Variants in CDH11 observed in about 807,000 individuals in gnomAD.
CDH11 encodes the protein cadherin 11.
In CDH11, 11 loss-of-function variants were observed where a neutral mutation model predicts 67.8. The observed-to-expected ratio is 0.16, with a 90% confidence interval of 0.10 to 0.27. CDH11 has a LOEUF of 0.27. Ranked by LOEUF, CDH11 falls within the 10% of genes least tolerant of loss-of-function variation. CDH11 has a pLI of 1.00. For missense variants in CDH11, 847 were observed against 1,031.2 expected (o/e 0.82, Z 2.45); for synonymous variants, 419 against 400.0 (o/e 1.05, Z -0.57).
chr16:65,079,943 T>C (rs1188485171), intron 1 of CDH11, among the ~76,000 whole-genome samples: 2 of 152,228 alleles, frequency 1.3e-5, no homozygotes, highest in Non-Finnish European at 2.9e-5. Context: ...ATTATCCATA[T>C]AATTTTTAAG....
chr16:65,007,389 CG>C (rs1479875277), intron 2 of CDH11, among the ~76,000 whole-genome samples: 2 of 152,006 alleles, frequency 1.3e-5, no homozygotes, highest in Non-Finnish European at 2.9e-5. Context: ...TAAAAGGCTA[CG>C]TGGGAGAGAG....
chr16:64,953,297 C>CAT (rs1187556186), intron 11 of CDH11, among the ~76,000 whole-genome samples: 1 of 140,794 alleles, frequency 7.1e-6, no homozygotes, highest in African/African-American at 2.5e-5. Flanking sequence ...TATATACACA[C>CAT]ACATATATAT....
intron 8 of CDH11, among the ~76,000 whole-genome samples, chr16:64,975,643 G>C (rs2072144562): frequency 6.6e-6 from 1 of 152,116 alleles, no homozygotes; most frequent in Non-Finnish European, 1.5e-5. Context: ...AAAAGAACAT[G>C]CTTGCTATTG....
intron 1 of CDH11, among the ~76,000 whole-genome samples, chr16:65,067,243 T>C (rs978973706): frequency 3.3e-5 from 5 of 151,274 alleles, no homozygotes; most frequent in African/African-American, 9.7e-5. Context: ...AAATGAATCC[T>C]TTGAATTTTT....
intron 1 of CDH11, among the ~76,000 whole-genome samples, chr16:65,080,949 C>T (rs981527172): frequency 7.9e-5 from 12 of 151,998 alleles, no homozygotes; most frequent in South Asian, 2.1e-4. Context: ...TGGTAGTGCC[C>T]GAAATATCAT....
chr16:65,005,561 G>A (rs535616257), intron 2 of CDH11, among the ~76,000 whole-genome samples: 8 of 152,256 alleles, frequency 5.3e-5, no homozygotes, highest in Non-Finnish European at 7.4e-5. Flanking sequence ...AGGTAGTAAC[G>A]AAGAAGGCGG....
chr16:64,998,701 A>T lies in CDH11; in HGVS notation c.384T>A (p.Ala128=). ...REERAQYTLM[A]QAVDRDTNRP... ...GATTGGTGTCCCTGTCCACCGCCTG[A>T]GCCATCAACGTGTACTGGGCTCTCT... Residue 128 remains alanine (A), a synonymous_variant, in exon 4 of 13, where the codon GCT becomes GCA. Transcript: ENST00000268603. 1.2e-6 allele frequency: 2 copies of T among 1,613,886 alleles called. No homozygotes were observed. Among genetic ancestry groups the T allele is most frequent in the Non-Finnish European group, 1.7e-6 (2 of 1,179,970 alleles).
chr16:65,061,429 G>C (rs976559128), intron 1 of CDH11, among the ~76,000 whole-genome samples: 1 of 152,158 alleles, frequency 6.6e-6, no homozygotes, highest in Non-Finnish European at 1.5e-5. Flanking sequence ...CTGTAATAAT[G>C]TACTCATTTG....
chr16:65,095,683 C>G (rs2074877753), intron 1 of CDH11, among the ~76,000 whole-genome samples: 1 of 152,192 alleles, frequency 6.6e-6, no homozygotes, highest in Non-Finnish European at 1.5e-5. Flanking sequence ...AATGTCAGCT[C>G]TCATCTGAGA....
At chr16:65,039,420 A>G (rs913344346) in intron 2 of CDH11, among the ~76,000 whole-genome samples, 1 of 152,188 alleles carries the variant, frequency 6.6e-6, no homozygotes, top group Non-Finnish European at 1.5e-5. Flanking sequence ...ATCTACAACT[A>G]TCTGATCTTT....
chr16:65,107,648 A>G (rs1473338972), intron 1 of CDH11, among the ~76,000 whole-genome samples: 2 of 152,202 alleles, frequency 1.3e-5, no homozygotes, highest in African/African-American at 4.8e-5. Flanking sequence ...TATCCCATAA[A>G]GGGTTTCAGA....
chr16:65,058,265 A>G (rs1271884393), intron 1 of CDH11, among the ~76,000 whole-genome samples: 1 of 152,218 alleles, frequency 6.6e-6, no homozygotes, highest in East Asian at 1.9e-4. Flanking sequence ...AGCCACCACA[A>G]TGGGATATTT....
At chr16:65,038,125 T>C (rs1169922826) in intron 2 of CDH11, among the ~76,000 whole-genome samples, 1 of 152,136 alleles carries the variant, frequency 6.6e-6, no homozygotes, top group African/African-American at 2.4e-5. Context: ...AGTTCCTTTT[T>C]ACTCCGGGAA....
intron 2 of CDH11, among the ~76,000 whole-genome samples, chr16:65,016,763 G>A (rs2073318596): frequency 6.6e-6 from 1 of 152,184 alleles, no homozygotes; most frequent in Non-Finnish European, 1.5e-5. Context: ...AGAAGTAAAT[G>A]AATCAAACAG....
intron 8 of CDH11, among the ~76,000 whole-genome samples, chr16:64,974,273 C>T (rs190451716): frequency 1.8e-4 from 28 of 152,226 alleles, no homozygotes; most frequent in East Asian, 1.4e-3. Context: ...TCAGGTAGTA[C>T]GCTGAGCTTC....
At position 65,045,623 on chromosome 16, in the gene CDH11, G is replaced by A. The variant is rs568730994; in HGVS notation, c.-173+8181C>T. On this transcript the variant is annotated intron_variant, in intron 2 of 12. Transcript: ENST00000268603. Reference sequence around the variant, plus strand: ...TGCCTTGAGCTCTGAGTCCCCCACTGCACAAAGGATAATTTGGGTTAGTAG... The same window carrying A: ...TGCCTTGAGCTCTGAGTCCCCCACTACACAAAGGATAATTTGGGTTAGTAG... 3.9e-5 allele frequency among the ~76,000 whole-genome samples: 6 copies of A among 151,966 alleles called. No homozygotes were observed. In the South Asian group the frequency reaches 1.0e-3, roughly 26 times the overall value.
intron 11 of CDH11, among the ~76,000 whole-genome samples, chr16:64,965,747 A>G (rs576150332): frequency 1.1e-4 from 17 of 150,476 alleles, no homozygotes; most frequent in African/African-American, 4.2e-4. Flanking sequence ...GCTGCTGTCC[A>G]AGACATTGTT....
chr16:65,098,900 C>T lies in CDH11; in HGVS notation c.-298+22980G>A, dbSNP rs1184844891. On this transcript the variant is annotated intron_variant, in intron 1 of 12. Coordinates refer to ENST00000268603, the MANE Select transcript of CDH11 (RefSeq NM_001797.4). ...TTCTAAATTTTTCTAAATATCAGCA[C>T]CTAAATCTGTTTAAAAAAGGTAAGA... Among the ~76,000 whole-genome samples the T allele has an allele frequency of 3.3e-5, 5 of 151,976 alleles. No individual in the cohort carries two copies. In the East Asian group the frequency reaches 7.7e-4, roughly 23 times the overall value.
intron 2 of CDH11, among the ~76,000 whole-genome samples, chr16:65,033,237 AACACACACACACACACACACACAC>A (rs57645922): frequency 7.2e-6 from 1 of 139,518 alleles, no homozygotes; most frequent in Non-Finnish European, 1.5e-5. Flanking sequence ...AAACTAGGAA[AACACACACACACACACACACACAC>A]ACACACACAC....
Sources: gnomAD v4.1 joint callset for allele counts (sites outside exome capture counted in the v4.1 genomes callset) on GRCh38, gnomAD v4.1.1 for gene constraint, MANE v1.5 for transcripts, NCBI Gene and HGNC (gene_info 2026-07-23, HGNC 2026-07-21) for gene names.